The following KAT6A variants were observed in gnomAD, a reference collection of about 807,000 sequenced individuals.
The protein encoded by KAT6A is histone acetyltransferase KAT6A.
In KAT6A, 9 loss-of-function variants were observed where a neutral mutation model predicts 198.4. The ratio of observed to expected loss-of-function variants is 0.05; its 90% CI spans 0.03 to 0.08. The LOEUF is 0.08. Ranked by LOEUF, KAT6A falls within the 10% of genes least tolerant of loss-of-function variation. The pLI is 1.00. For synonymous variants in KAT6A, 890 were observed against 883.0 expected (o/e 1.01, Z -0.14); for missense variants, 2,077 against 2,509.9 (o/e 0.83, Z 3.69).
intron 9 of KAT6A, among the ~76,000 whole-genome samples, chr8:41,950,132 A>G (rs1029684137): frequency 1.3e-5 from 2 of 152,232 alleles, no homozygotes; most frequent in African/African-American, 4.8e-5. Flanking sequence ...ACTATAAATT[A>G]GAGTCAAGAA....
At chr8:41,985,749 T>C (rs141898282) in intron 3 of KAT6A, among the ~76,000 whole-genome samples, 1 of 152,326 alleles carries the variant, frequency 6.6e-6, no homozygotes, top group African/African-American at 2.4e-5. Flanking sequence ...TCTTCAGCCC[T>C]GACAATGATT....
chr8:41,968,336 A>T (rs1180190744), intron 8 of KAT6A, among the ~76,000 whole-genome samples: 1 of 152,250 alleles, frequency 6.6e-6, no homozygotes, highest in Non-Finnish European at 1.5e-5. Context: ...ACACTTCTCA[A>T]AAGAAGACAT....
intron 2 of KAT6A, among the ~76,000 whole-genome samples, chr8:41,993,424 G>A (rs771948611): frequency 4.6e-5 from 7 of 152,148 alleles, no homozygotes; most frequent in African/African-American, 7.2e-5. Context: ...AAATAAAGGC[G>A]TTATTCCAAA....
intron 3 of KAT6A, among the ~76,000 whole-genome samples, chr8:41,985,323 C>T (rs1212261758): frequency 6.6e-6 from 1 of 152,204 alleles, no homozygotes; most frequent in Non-Finnish European, 1.5e-5. Context: ...GACTACCTAG[C>T]ACTCAAGATC....
At chr8:41,971,717 T>C (rs952221917) in intron 8 of KAT6A, among the ~76,000 whole-genome samples, 1 of 151,844 alleles carries the variant, frequency 6.6e-6, no homozygotes, top group South Asian at 2.1e-4. Context: ...CCCTGGCCGC[T>C]GTATGAAGAA....
At chr8:41,985,327 C>G in intron 3 of KAT6A, among the ~76,000 whole-genome samples, 1 of 152,190 alleles carries the variant, frequency 6.6e-6, no homozygotes, top group East Asian at 1.9e-4. Flanking sequence ...ACCTAGCACT[C>G]AAGATCTGTT....
intron 10 of KAT6A, 102 bp downstream of exon 10, chr8:41,949,120 G>T: frequency 2.9e-6 from 2 of 678,252 alleles, no homozygotes; most frequent in Non-Finnish European, 4.4e-6. Flanking sequence ...TTCCATTTTA[G>T]TGATACATAA....
At chr8:42,045,629 T>A (rs1291161289) in intron 2 of KAT6A, among the ~76,000 whole-genome samples, 1 of 151,978 alleles carries the variant, frequency 6.6e-6, no homozygotes, top group Non-Finnish European at 1.5e-5. Context: ...CATTTCTTTT[T>A]CATTTTTTCA....
At chr8:41,956,390 C>T (rs1822920577) in intron 8 of KAT6A, among the ~76,000 whole-genome samples, 1 of 152,120 alleles carries the variant, frequency 6.6e-6, no homozygotes, top group African/African-American at 2.4e-5. Flanking sequence ...AATAACTCTT[C>T]CCCAAAAGGA....
At chr8:41,951,200 CTTA>C (rs1384322180) in intron 9 of KAT6A, among the ~76,000 whole-genome samples, 1 of 151,500 alleles carries the variant, frequency 6.6e-6, no homozygotes, top group Non-Finnish European at 1.5e-5. Flanking sequence ...TTTAGTGAAC[CTTA>C]TTATGTGAAA....
chr8:41,986,597 A>C (rs1053742872), intron 3 of KAT6A, among the ~76,000 whole-genome samples: 3 of 152,172 alleles, frequency 2.0e-5, no homozygotes, highest in Admixed American at 6.5e-5. Context: ...ATAAAAAAAA[A>C]CTAAGACCTG....
intron 12 of KAT6A, among the ~76,000 whole-genome samples, chr8:41,945,816 C>G (rs1435188926): frequency 6.6e-6 from 1 of 151,960 alleles, no homozygotes; most frequent in African/African-American, 2.4e-5. Context: ...ATCACGAGGT[C>G]AGGAGATCGA....
intron 2 of KAT6A, among the ~76,000 whole-genome samples, chr8:42,015,377 G>A (rs1405258595): frequency 6.6e-6 from 1 of 152,182 alleles, no homozygotes; most frequent in Non-Finnish European, 1.5e-5. Context: ...CAGATACCAC[G>A]ACAGCACTTA....
chr8:41,980,974 A>C (rs1587777215), intron 4 of KAT6A, 47 bp from the exon 5 acceptor site: 1 of 1,286,234 alleles, frequency 7.8e-7, no homozygotes, highest in East Asian at 2.3e-5. Context: ...TATGAAGCAG[A>C]AACATGTTAC....
At chr8:42,033,527 G>A (rs951920237) in intron 2 of KAT6A, among the ~76,000 whole-genome samples, 1 of 152,076 alleles carries the variant, frequency 6.6e-6, no homozygotes, top group South Asian at 2.1e-4. Flanking sequence ...TTTGCTTCTA[G>A]GCCTTTGTAC....
chr8:42,021,472 C>T lies in KAT6A; in HGVS notation c.600+26906G>A, dbSNP rs1472556363. Among the ~76,000 whole-genome samples the T allele has an allele frequency of 2.0e-5, 3 of 152,126 alleles. No individual in the cohort carries two copies. In the South Asian group the frequency reaches 6.2e-4, roughly 32 times the overall value. ...CTTTATGAATTTTGTAATTTAGGTA[C>T]TATTATAATACTATCCCTCTTTTAC... On this transcript the variant is annotated intron_variant, in intron 2 of 16. Transcript: ENST00000265713.
At chr8:41,998,571 C>T (rs1481691575) in intron 2 of KAT6A, among the ~76,000 whole-genome samples, 2 of 152,086 alleles carry the variant, frequency 1.3e-5, no homozygotes, top group Admixed American at 6.5e-5. Context: ...GCAGATATCA[C>T]CACTTAATTC....
At chr8:42,051,197 G>T (rs1488425912) in intron 1 of KAT6A, among the ~76,000 whole-genome samples, 2 of 151,926 alleles carry the variant, frequency 1.3e-5, no homozygotes, top group Non-Finnish European at 2.9e-5. Flanking sequence ...GCGGGTTGCT[G>T]GGAGCCTGAC....
In KAT6A at chr8:41,980,933, A is replaced by G. The variant is rs764933039; in HGVS notation, c.826-6T>C. On this transcript the variant is annotated splice_polypyrimidine_tract_variant and splice_region_variant and intron_variant, in intron 4 of 16. Coordinates refer to ENST00000265713, the MANE Select transcript of KAT6A (RefSeq NM_006766.5). ...TCACAAAAGAGCATGTTATCCTATTAGAAAAAAGAAAGGACAGTTTTGCTT... is the reference window on the plus strand; with the variant it reads ...TCACAAAAGAGCATGTTATCCTATTGGAAAAAAGAAAGGACAGTTTTGCTT... The G allele has an allele frequency of 8.7e-6, 14 of 1,601,320 alleles. No individual in the cohort carries two copies. In the Admixed American group the frequency reaches 1.0e-4, roughly 11 times the overall value.
Sources: allele counts gnomAD v4.1 joint callset (sites outside exome capture counted in the v4.1 genomes callset), GRCh38; gene constraint gnomAD v4.1.1; transcripts MANE v1.5; gene names NCBI Gene and HGNC (gene_info 2026-07-23, HGNC 2026-07-21).